SLC44A5: variants seen among roughly 807,000 people sequenced by gnomAD.
SLC44A5 encodes the protein solute carrier family 44 member 5.
In SLC44A5, 57 loss-of-function variants were observed where a neutral mutation model predicts 101.8. The ratio of observed to expected loss-of-function variants is 0.56; its 90% CI spans 0.45 to 0.70. The LOEUF (loss-of-function observed/expected upper bound fraction) is 0.70. Among genes scored for constraint, SLC44A5 ranks in the 30% least tolerant of loss-of-function variants. SLC44A5 has a pLI of 0.00. For synonymous variants in SLC44A5, 281 were observed against 290.9 expected, an observed-to-expected ratio of 0.97 and a Z score of 0.35; for missense variants, 737 against 853.1, an observed-to-expected ratio of 0.86 and a Z score of 1.70.
At chr1:75,232,969 A>C (rs1258196545) in intron 12 of SLC44A5, among the ~76,000 whole-genome samples, 2 of 152,196 alleles carry the variant, frequency 1.3e-5, no homozygotes, top group Non-Finnish European at 2.9e-5. Flanking sequence ...TACTACCATA[A>C]AACTGTTGTC....
intron 8 of SLC44A5, 151 bp downstream of exon 8, chr1:75,242,735 C>T: frequency 1.1e-6 from 1 of 885,550 alleles, no homozygotes; most frequent in Non-Finnish European, 1.7e-6. Flanking sequence ...GCATGCACAC[C>T]CAGTACACAT....
intron 3 of SLC44A5, among the ~76,000 whole-genome samples, chr1:75,360,080 T>C (rs1192348218): frequency 6.6e-6 from 1 of 152,190 alleles, no homozygotes; most frequent in African/African-American, 2.4e-5. Flanking sequence ...TCTTATCAGA[T>C]GTATGGTTTG....
intron 5 of SLC44A5, among the ~76,000 whole-genome samples, chr1:75,281,643 C>CT (rs1652580212): frequency 9.4e-6 from 1 of 106,714 alleles, no homozygotes; most frequent in Non-Finnish European, 2.2e-5. Context: ...CAGGCCCCCC[C>CT]CCCCCCCCGC....
At chr1:75,673,387 A>G in the SLC44A5 span, among the ~76,000 whole-genome samples, 10 of 151,892 alleles carry the variant, frequency 6.6e-5, no homozygotes, top group African/African-American at 2.4e-4. Flanking sequence ...TTGGGTTCCA[A>G]CTCACTGTAG....
At chr1:75,359,427 G>A (rs1380182927) in intron 3 of SLC44A5, among the ~76,000 whole-genome samples, 2 of 149,754 alleles carry the variant, frequency 1.3e-5, no homozygotes, top group Non-Finnish European at 3.0e-5. Context: ...TTTTTTAAGA[G>A]ACAGAGTTTC....
intron 2 of SLC44A5, among the ~76,000 whole-genome samples, chr1:75,500,875 C>T (rs760558368): frequency 6.6e-6 from 1 of 152,144 alleles, no homozygotes; most frequent in Non-Finnish European, 1.5e-5. Flanking sequence ...CCAACTCTCT[C>T]ATTTTCTAGT....
At chr1:75,206,740 G>A in intron 23 of SLC44A5, 1 of 1,308,992 alleles carries the variant, frequency 7.6e-7, no homozygotes, top group Non-Finnish European at 1.1e-6. Context: ...AGCAGCCAAA[G>A]CAGGCAAAAG....
chr1:75,582,396 A>C, intron 1 of SLC44A5: 1 of 753,184 alleles, frequency 1.3e-6, no homozygotes. Flanking sequence ...CACATTGCCC[A>C]CTCCAAGCTT....
At chr1:75,376,770 C>G (rs1233333661) in intron 3 of SLC44A5, among the ~76,000 whole-genome samples, 1 of 152,176 alleles carries the variant, frequency 6.6e-6, no homozygotes, top group Admixed American at 6.5e-5. Flanking sequence ...AAAAGCAGAG[C>G]GCCTCTCCTC....
upstream of SLC44A5, among the ~76,000 whole-genome samples, chr1:75,611,851 T>A (rs1373024028): frequency 6.6e-6 from 1 of 151,994 alleles, no homozygotes; most frequent in Non-Finnish European, 1.5e-5. Context: ...TCTCCTTCTG[T>A]GGACCCCTTT....
At chr1:75,404,061 A>G (rs572628962) in intron 2 of SLC44A5, among the ~76,000 whole-genome samples, 7 of 152,092 alleles carry the variant, frequency 4.6e-5, no homozygotes, top group African/African-American at 1.7e-4. Context: ...ATACACAAGT[A>G]TCAATAGCTG....
At chr1:75,717,197 C>A in the SLC44A5 span, among the ~76,000 whole-genome samples, 1 of 151,364 alleles carries the variant, frequency 6.6e-6, no homozygotes, top group Non-Finnish European at 1.5e-5. Flanking sequence ...AAATATTGGC[C>A]CAGCGCTGTG....
chr1:75,686,079 A>C, the SLC44A5 span, among the ~76,000 whole-genome samples: 1 of 152,164 alleles, frequency 6.6e-6, no homozygotes, highest in Admixed American at 6.5e-5. Flanking sequence ...TCACAAAAAC[A>C]GCATGAGGGT....
chr1:75,373,825 G>A (rs1356116156), intron 3 of SLC44A5, among the ~76,000 whole-genome samples: 1 of 152,102 alleles, frequency 6.6e-6, no homozygotes, highest in Admixed American at 6.5e-5. Flanking sequence ...CAACCCTGAG[G>A]GTTCAGAGGA....
At chr1:75,357,190 C>T (rs747857819) in intron 3 of SLC44A5, 66 of 455,694 alleles carry the variant, frequency 1.4e-4, no homozygotes, top group South Asian at 9.9e-4. Flanking sequence ...AACGTTATGC[C>T]TTTTCTTGGC....
At chr1:75,502,318 G>C (rs1669002788) in intron 2 of SLC44A5, among the ~76,000 whole-genome samples, 1 of 152,194 alleles carries the variant, frequency 6.6e-6, no homozygotes, top group African/African-American at 2.4e-5. Context: ...GGAGGGCACA[G>C]ATTTAGCTGA....
At chr1:75,506,825 C>T (rs150845111) in intron 2 of SLC44A5, among the ~76,000 whole-genome samples, 4 of 149,708 alleles carry the variant, frequency 2.7e-5, no homozygotes, top group African/African-American at 9.8e-5. Flanking sequence ...TAATTTATTT[C>T]TCTTACCTGA....
intron 4 of SLC44A5, among the ~76,000 whole-genome samples, chr1:75,308,034 T>G (rs1655037847): frequency 1.3e-5 from 2 of 152,204 alleles, no homozygotes; most frequent in South Asian, 4.1e-4. Flanking sequence ...CATTTACCTT[T>G]GAAGATAATC....
chr1:75,413,725 AT>A (rs1663432444), intron 2 of SLC44A5, among the ~76,000 whole-genome samples: 1 of 152,100 alleles, frequency 6.6e-6, no homozygotes, highest in Non-Finnish European at 1.5e-5. Flanking sequence ...TTATCCACAA[AT>A]TTCACTCTAG....
Sources: gnomAD v4.1 joint callset for allele counts (sites outside exome capture counted in the v4.1 genomes callset) on GRCh38, gnomAD v4.1.1 for gene constraint, MANE v1.5 for transcripts, NCBI Gene and HGNC (gene_info 2026-07-23, HGNC 2026-07-21) for gene names.